TYW1B: variants seen among roughly 807,000 people sequenced by gnomAD.
TYW1B encodes tRNA-yW synthesizing protein 1 homolog B, also known as S-adenosyl-L-methionine-dependent tRNA 4-demethylwyosine synthase TYW1B.
In TYW1B, 73 loss-of-function variants were observed where a neutral mutation model predicts 86.9. That is an observed-to-expected ratio of 0.84 (90% CI 0.70 to 1.02). The LOEUF is 1.02. Ranked by LOEUF, TYW1B falls within the 50% of genes least tolerant of loss-of-function variation. The pLI, the probability that TYW1B is intolerant of heterozygous loss-of-function variation, is 0.00. For synonymous variants in TYW1B, 248 were observed against 292.8 expected, an observed-to-expected ratio of 0.85 and a Z score of 1.56; for missense variants, 637 against 827.4, an observed-to-expected ratio of 0.77 and a Z score of 2.82.
At chr7:72,688,914 T>C (rs1483287429) in intron 11 of TYW1B, among the ~76,000 whole-genome samples, 1 of 152,150 alleles carries the variant, frequency 6.6e-6, no homozygotes, top group Non-Finnish European at 1.5e-5. Flanking sequence ...AGACAACACA[T>C]TTGCACAAAT....
chr7:72,697,031 TA>T (rs781801843), intron 10 of TYW1B, among the ~76,000 whole-genome samples: 63 of 137,868 alleles, frequency 4.6e-4, no homozygotes, highest in South Asian at 1.2e-3. Context: ...GATTTCTACT[TA>T]AAAAAAAAAA....
chr7:72,709,295 A>T (rs1814687026), intron 10 of TYW1B, among the ~76,000 whole-genome samples: 1 of 152,200 alleles, frequency 6.6e-6, no homozygotes, highest in Non-Finnish European at 1.5e-5. Flanking sequence ...GACATACCCT[A>T]AAAAATGCAA....
At chr7:72,789,235 G>T (rs782139465) in intron 6 of TYW1B, among the ~76,000 whole-genome samples, 7 of 152,080 alleles carry the variant, frequency 4.6e-5, no homozygotes, top group Non-Finnish European at 8.8e-5. Flanking sequence ...CCGAGTTCAA[G>T]CGATTCTCCT....
chr7:72,788,070 T>C (rs1585983886), intron 6 of TYW1B, among the ~76,000 whole-genome samples: 1 of 151,442 alleles, frequency 6.6e-6, no homozygotes, highest in African/African-American at 2.4e-5. Flanking sequence ...CTCCACCTCC[T>C]GGGTTCACGC....
At chr7:72,665,001 T>C (rs1554445028) in intron 11 of TYW1B, among the ~76,000 whole-genome samples, 1 of 150,598 alleles carries the variant, frequency 6.6e-6, no homozygotes, top group Non-Finnish European at 1.5e-5. Context: ...TTTTTTATTG[T>C]TGTATTGTTA....
intron 10 of TYW1B, among the ~76,000 whole-genome samples, chr7:72,711,139 G>A (rs1329878868): frequency 2.6e-5 from 4 of 152,092 alleles, no homozygotes; most frequent in African/African-American, 7.2e-5. Context: ...CATACACTGG[G>A]CCCCAGTAAA....
At chr7:72,670,642 C>T (rs1813578098) in intron 11 of TYW1B, among the ~76,000 whole-genome samples, 1 of 152,196 alleles carries the variant, frequency 6.6e-6, no homozygotes, top group Non-Finnish European at 1.5e-5. Context: ...GCATTCTGCT[C>T]GCTTTCTGAG....
chr7:72,659,809 C>T (rs556943347), intron 11 of TYW1B, among the ~76,000 whole-genome samples: 1 of 152,102 alleles, frequency 6.6e-6, no homozygotes, highest in African/African-American at 2.4e-5. Context: ...TTTCAAGAGG[C>T]AACTGATGGT....
At chr7:72,662,782 T>C (rs2129569482) in intron 11 of TYW1B, among the ~76,000 whole-genome samples, 1 of 152,294 alleles carries the variant, frequency 6.6e-6, no homozygotes, top group South Asian at 2.1e-4. Flanking sequence ...CATGAGTTTC[T>C]TATGGACCCA....
chr7:72,603,095 TGGATGGATGGATG>T (rs1363913321), intron 13 of TYW1B, among the ~76,000 whole-genome samples: 2 of 46,908 alleles, frequency 4.3e-5, no homozygotes, highest in Non-Finnish European at 6.8e-5. Flanking sequence ...AGACAGATGA[TGGATGGATGGATG>T]GATGGATGGA....
chr7:72,794,294 G>A (rs1276413049), intron 6 of TYW1B, among the ~76,000 whole-genome samples: 13 of 152,116 alleles, frequency 8.5e-5, no homozygotes, highest in African/African-American at 2.2e-4. Context: ...AGTGGCTCAC[G>A]CCTGGAATCC....
intron 4 of TYW1B, among the ~76,000 whole-genome samples, chr7:72,809,323 G>A (rs1170519081): frequency 4.6e-5 from 7 of 152,074 alleles, no homozygotes; most frequent in Non-Finnish European, 7.4e-5. Flanking sequence ...GATTACAGGC[G>A]TTTGAGCCAC....
chr7:72,627,389 A>C (rs1427137586), intron 12 of TYW1B, among the ~76,000 whole-genome samples: 3 of 151,968 alleles, frequency 2.0e-5, no homozygotes, highest in Non-Finnish European at 4.4e-5. Context: ...CGGAGGTTTC[A>C]GTGAGCCGAG....
At chr7:72,619,059 C>A (rs117880944) in intron 12 of TYW1B, among the ~76,000 whole-genome samples, 1 of 152,128 alleles carries the variant, frequency 6.6e-6, no homozygotes, top group Non-Finnish European at 1.5e-5. Flanking sequence ...CAGACAACTG[C>A]GCATGTCCGA....
chr7:72,803,352 C>T (rs1454182347), intron 5 of TYW1B, among the ~76,000 whole-genome samples: 2 of 152,000 alleles, frequency 1.3e-5, no homozygotes, highest in Non-Finnish European at 2.9e-5. Flanking sequence ...CTCAGGGGAA[C>T]GAGACACATG....
intron 7 of TYW1B, among the ~76,000 whole-genome samples, chr7:72,759,242 T>C (rs6966085): frequency 6.6e-6 from 1 of 151,880 alleles, no homozygotes; most frequent in Non-Finnish European, 1.5e-5. Flanking sequence ...GGCTCAGGTG[T>C]GAAGATCGCT....
At chr7:72,703,381 C>T (rs369407486) in intron 10 of TYW1B, among the ~76,000 whole-genome samples, 1 of 151,692 alleles carries the variant, frequency 6.6e-6, no homozygotes, top group Non-Finnish European at 1.5e-5. Context: ...GTAAATAAGA[C>T]GTGTGTTGCT....
At chr7:72,727,471 TG>T (rs1331758177) in intron 9 of TYW1B, among the ~76,000 whole-genome samples, 3 of 152,128 alleles carry the variant, frequency 2.0e-5, no homozygotes, top group African/African-American at 7.2e-5. Flanking sequence ...TGTACAGTAG[TG>T]GTTCTCAAAG....
intron 9 of TYW1B, among the ~76,000 whole-genome samples, chr7:72,719,693 G>A (rs1389485729): frequency 6.6e-6 from 1 of 151,696 alleles, no homozygotes; most frequent in East Asian, 1.9e-4. Flanking sequence ...AAAGAGCAGG[G>A]CAATGAAGAT....
Sources: gnomAD v4.1 joint callset for allele counts (sites outside exome capture counted in the v4.1 genomes callset) on GRCh38, gnomAD v4.1.1 for gene constraint, MANE v1.5 for transcripts, NCBI Gene and HGNC (gene_info 2026-07-23, HGNC 2026-07-21) for gene names.